The following PLXNA4 variants were observed in gnomAD, a reference collection of about 807,000 sequenced individuals.
The protein encoded by PLXNA4 is plexin-A4.
PLXNA4 carries 44 observed loss-of-function variants against 191.8 expected under a neutral mutation model. That is an observed-to-expected ratio of 0.23 (90% CI 0.18 to 0.29). The LOEUF (loss-of-function observed/expected upper bound fraction) is 0.29. Among genes scored for constraint, PLXNA4 ranks in the 10% least tolerant of loss-of-function variants. The pLI, the probability that PLXNA4 is intolerant of heterozygous loss-of-function variation, is 1.00. For missense variants in PLXNA4, 1,800 were observed against 2,488.8 expected (o/e 0.72, Z 5.89); for synonymous variants, 1,082 against 1,009.5 (o/e 1.07, Z -1.36).
At position 132,621,683 on chromosome 7, in the gene PLXNA4, C is replaced by T. The variant is rs187698116; in HGVS notation, c.-87+24245G>A. On this transcript the variant is annotated intron_variant, in intron 2 of 4. Coordinates refer to the PLXNA4 transcript ENST00000378539. ...ATTGCTGGGTCAAAGGACATGAACA[C>T]TTAAAATTGCCATAAATACTGATAA... Among the ~76,000 whole-genome samples, 277 of 152,314 alleles carry T rather than the reference C, an allele frequency of 1.8e-3. 1 individual carries two copies. The highest frequency in any genetic ancestry group is 1.5e-3 in the East Asian group (8 of 5,180).
At chr7:132,317,810 C>T (rs1345562144) in intron 3 of PLXNA4, among the ~76,000 whole-genome samples, 2 of 152,184 alleles carry the variant, frequency 1.3e-5, no homozygotes, top group African/African-American at 4.8e-5. Context: ...TGTAGGGAGC[C>T]TCTCAGCCTG....
intron 1 of PLXNA4, among the ~76,000 whole-genome samples, chr7:132,512,645 C>G (rs938994471): frequency 6.6e-6 from 1 of 152,156 alleles, no homozygotes; most frequent in Non-Finnish European, 1.5e-5. Flanking sequence ...AAGACCCCAC[C>G]AGGAACCACC....
rs184401157 is a variant in PLXNA4 at position 132,148,037 on chromosome 7, G to A, written c.4765-38C>T. The A allele has an allele frequency of 4.3e-6, 7 of 1,613,796 alleles. No individual in the cohort carries two copies. The Admixed American group carries it at 5.0e-5, about 12-fold the overall frequency. On this transcript the variant is annotated intron_variant, in intron 26 of 31. Coordinates refer to ENST00000321063, the MANE Select transcript of PLXNA4 (RefSeq NM_020911.2). ...AGCTTCTCAGGGCCTAGGCACAGCA[G>A]CTCTGCCACTCCAGGAAATAAGGAC...
At chr7:132,394,254 G>A (rs1159962312) in intron 3 of PLXNA4, among the ~76,000 whole-genome samples, 3 of 152,108 alleles carry the variant, frequency 2.0e-5, no homozygotes, top group Non-Finnish European at 2.9e-5. Context: ...CTACCCCCTC[G>A]AGACACCCAA....
intron 2 of PLXNA4, among the ~76,000 whole-genome samples, chr7:132,496,379 A>AAAAAC (rs890025852): frequency 3.3e-5 from 5 of 152,156 alleles, no homozygotes; most frequent in Non-Finnish European, 7.3e-5. Context: ...TGGTGACAGA[A>AAAAAC]AAAACAAAAC....
At position 132,508,399 on chromosome 7, in the gene PLXNA4, G is replaced by T; in HGVS notation, c.295C>A (p.Arg99Ser). ...GGCTCATTGCAGGTCTGGACGATGCGGGGTGGGTAACACTTGGGGTTGTCC... is the reference window on the plus strand; with the variant it reads ...GGCTCATTGCAGGTCTGGACGATGCTGGGTGGGTAACACTTGGGGTTGTCC... Reference protein sequence around the residue: ...DEDNPKCYPPRIVQTCNEPLT... With the variant: ...DEDNPKCYPPSIVQTCNEPLT... The change falls in exon 2 of 32, where the codon CGC becomes AGC. Residue 99 changes from arginine to serine, a missense_variant. By Grantham distance (110) the Arg-to-Ser change is moderately radical (BLOSUM62 -1). This residue lies in a region of PLXNA4 where 1,397 missense variants were observed against 1,880.4 expected (regional missense o/e 0.74). Transcript: ENST00000321063. This position sits in a 1 kb window ranked among gnomAD's most constrained non-coding sequence, Gnocchi z 4.4. The T allele has an allele frequency of 1.2e-6, 2 of 1,614,192 alleles. No individual in the cohort carries two copies. The highest frequency in any genetic ancestry group is 1.7e-6 in the Non-Finnish European group (2 of 1,180,034).
chr7:132,224,834 C>G (rs1562976894), intron 8 of PLXNA4, among the ~76,000 whole-genome samples: 1 of 152,218 alleles, frequency 6.6e-6, no homozygotes, highest in Non-Finnish European at 1.5e-5. Context: ...AGACTCACAG[C>G]TGCCATAAGC....
chr7:132,199,371 C>T (rs1045456947), intron 12 of PLXNA4, among the ~76,000 whole-genome samples: 1 of 152,170 alleles, frequency 6.6e-6, no homozygotes, highest in Non-Finnish European at 1.5e-5. Context: ...CCTGGTACCA[C>T]ATAGATTTAG....
chr7:132,533,813 G>T (rs1488946338), intron 1 of PLXNA4, among the ~76,000 whole-genome samples: 1 of 152,032 alleles, frequency 6.6e-6, no homozygotes, highest in Non-Finnish European at 1.5e-5. Flanking sequence ...CCACCTCCTT[G>T]AACAAGGCCA....
chr7:132,611,079 G>A (rs369972088), intron 2 of PLXNA4, among the ~76,000 whole-genome samples: 31 of 152,188 alleles, frequency 2.0e-4, no homozygotes, highest in South Asian at 6.2e-4. Context: ...CAGTCCCCCC[G>A]GCCAGCAGCC....
At chr7:132,351,327 GT>G (rs998742551) in intron 3 of PLXNA4, among the ~76,000 whole-genome samples, 1 of 152,186 alleles carries the variant, frequency 6.6e-6, no homozygotes, top group Non-Finnish European at 1.5e-5. Context: ...CATTAAAGCT[GT>G]TTTTTAAGAG....
At chr7:132,481,434 G>A (rs1325461249) in intron 3 of PLXNA4, among the ~76,000 whole-genome samples, 1 of 151,978 alleles carries the variant, frequency 6.6e-6, no homozygotes, top group Non-Finnish European at 1.5e-5. Flanking sequence ...GACAACCTCG[G>A]ATTAGACCGT....
chr7:132,232,158 G>C (rs1231758311), intron 5 of PLXNA4, among the ~76,000 whole-genome samples: 1 of 152,118 alleles, frequency 6.6e-6, no homozygotes, highest in African/African-American at 2.4e-5. Context: ...ACTAGATCTG[G>C]GAACCAGAGC....
chr7:132,207,382 T>C (rs922273186), intron 10 of PLXNA4, among the ~76,000 whole-genome samples: 4 of 152,228 alleles, frequency 2.6e-5, no homozygotes, highest in Non-Finnish European at 5.9e-5. Context: ...AGATGCCCTT[T>C]GCAGCCCCCT....
chr7:132,446,293 C>T lies in PLXNA4; in HGVS notation c.1371+42999G>A, dbSNP rs970048171. ...GAACAACAACAAATACCCCATTATA[C>T]TTCTTTTTGTCACCTCACAGCCCAA... On this transcript the variant is annotated intron_variant, in intron 3 of 31. Transcript: ENST00000321063. 2.0e-5 allele frequency among the ~76,000 whole-genome samples: 3 copies of T among 152,200 alleles called. No homozygotes were observed. The East Asian group carries it at 5.8e-4, about 29-fold the overall frequency.
chr7:132,591,677 CATA>C (rs1349419484), intron 2 of PLXNA4, among the ~76,000 whole-genome samples: 1 of 152,158 alleles, frequency 6.6e-6, no homozygotes, highest in Non-Finnish European at 1.5e-5. Flanking sequence ...AAACATAACA[CATA>C]TAAAGGACTT....
At chr7:132,534,403 C>T (rs551771424) in intron 1 of PLXNA4, among the ~76,000 whole-genome samples, 3 of 152,260 alleles carry the variant, frequency 2.0e-5, no homozygotes, top group South Asian at 4.2e-4. Context: ...TGAGAGGAGC[C>T]AAGTGAGAGA....
chr7:132,342,899 A>G (rs1803087731), intron 3 of PLXNA4, among the ~76,000 whole-genome samples: 1 of 147,196 alleles, frequency 6.8e-6, no homozygotes, highest in African/African-American at 2.5e-5. Context: ...GTGAGCCAAG[A>G]TTGCACCACT....
At chr7:132,184,834 GGTATTTGGA>G (rs1796823990) in intron 16 of PLXNA4, among the ~76,000 whole-genome samples, 1 of 152,166 alleles carries the variant, frequency 6.6e-6, no homozygotes, top group East Asian at 1.9e-4. Flanking sequence ...AAAGAGGATA[GGTATTTGGA>G]TGGGGCCTCC....
Sources: allele counts gnomAD v4.1 joint callset (sites outside exome capture counted in the v4.1 genomes callset), GRCh38; gene constraint gnomAD v4.1.1; regional missense constraint gnomAD v4.1.1; non-coding constraint Gnocchi (gnomAD v3.1); transcripts MANE v1.5; gene names NCBI Gene and HGNC (gene_info 2026-07-23, HGNC 2026-07-21).